CHN2: variants seen among roughly 807,000 people sequenced by gnomAD.
CHN2 encodes the protein chimerin 2.
A neutral mutation model predicts 56.3 loss-of-function variants in CHN2; 35 were observed. That is an observed-to-expected ratio of 0.62 (90% CI 0.47 to 0.82). The LOEUF (loss-of-function observed/expected upper bound fraction) is 0.82. CHN2 is among the 40% of genes least tolerant of loss of function. The pLI is 0.00. For synonymous variants in CHN2, 210 were observed against 212.8 expected, an observed-to-expected ratio of 0.99 and a Z score of 0.12; for missense variants, 491 against 580.5, an observed-to-expected ratio of 0.85 and a Z score of 1.58.
intron 1 of CHN2, among the ~76,000 whole-genome samples, chr7:29,274,776 A>C (rs1791045427): frequency 6.6e-6 from 1 of 152,350 alleles, no homozygotes; most frequent in East Asian, 1.9e-4. Flanking sequence ...GTGGCTAGAA[A>C]AATATTCAGC....
intron 1 of CHN2, among the ~76,000 whole-genome samples, chr7:29,252,574 C>CTTTGTTTTTTTTTTT (rs1305571299): frequency 1.0e-4 from 2 of 19,284 alleles, no homozygotes; most frequent in Non-Finnish European, 1.9e-4. Context: ...AAATTGCATT[C>CTTTGTTTTTTTTTTT]TTTGTTTTTT....
At chr7:29,180,894 A>G (rs1797988742) in intron 2 of CHN2, among the ~76,000 whole-genome samples, 3 of 152,202 alleles carry the variant, frequency 2.0e-5, no homozygotes, top group African/African-American at 4.8e-5. Flanking sequence ...CTTGCAGTGT[A>G]ATTGAAAAGA....
chr7:29,417,423 C>T (rs1019262910), intron 6 of CHN2, among the ~76,000 whole-genome samples: 1 of 151,548 alleles, frequency 6.6e-6, no homozygotes, highest in African/African-American at 2.4e-5. Flanking sequence ...GCAAGCTCCG[C>T]CTCCTGGGTT....
At chr7:29,385,573 G>T (rs6462135) in intron 3 of CHN2, among the ~76,000 whole-genome samples, 132,659 of 152,096 alleles carry the variant, frequency 0.87, 58,241 homozygotes, top group Non-Finnish European at 0.93. Flanking sequence ...TTAAGTAGGG[G>T]GATCTGGGAA....
At chr7:29,348,196 T>C (rs1328968090) in intron 1 of CHN2, among the ~76,000 whole-genome samples, 1 of 152,190 alleles carries the variant, frequency 6.6e-6, no homozygotes, top group African/African-American at 2.4e-5. Context: ...TGTTCCCTAG[T>C]CTTTCTCAGA....
At chr7:29,375,035 G>A (rs1178958910) in intron 3 of CHN2, among the ~76,000 whole-genome samples, 2 of 147,486 alleles carry the variant, frequency 1.4e-5, no homozygotes, top group African/African-American at 5.0e-5. Context: ...TTACAGGCAT[G>A]TGCCACCACA....
intron 3 of CHN2, among the ~76,000 whole-genome samples, chr7:29,375,791 G>T (rs764608112): frequency 4.6e-5 from 7 of 152,114 alleles, no homozygotes; most frequent in Non-Finnish European, 8.8e-5. Flanking sequence ...CAGAGCAAAT[G>T]TCACACCTCC....
In CHN2 at chr7:29,218,817, A is replaced by T. The variant is rs6967640; in HGVS notation, c.49+23827A>T. Among the ~76,000 whole-genome samples, 36 of 124,970 alleles carry T rather than the reference A, an allele frequency of 2.9e-4. 1 individual carries two copies. The East Asian group carries it at 0.01, about 35-fold the overall frequency. 82.0% of individuals were successfully genotyped at this position (124,970 alleles called of 152,430 possible). A position where few individuals can be genotyped will look rare whatever the true frequency, so the allele number is the denominator to read the frequency against. ...AGGGACTGTTGTGGGGTGGGGGGAGAGGAGAGGGATAGCATTAGGAGATAT... is the reference window on the plus strand; with the variant it reads ...AGGGACTGTTGTGGGGTGGGGGGAGTGGAGAGGGATAGCATTAGGAGATAT... On this transcript the variant is annotated intron_variant, in intron 1 of 12. Coordinates refer to ENST00000222792, the MANE Select transcript of CHN2 (RefSeq NM_004067.4).
At chr7:29,150,372 G>A (rs1037713118) in intron 2 of CHN2, among the ~76,000 whole-genome samples, 5 of 152,200 alleles carry the variant, frequency 3.3e-5, no homozygotes, top group Admixed American at 6.5e-5. Context: ...AATGGCAGCT[G>A]TAACAATAAT....
chr7:29,174,337 A>G (rs1796987341), intron 2 of CHN2, among the ~76,000 whole-genome samples: 1 of 152,194 alleles, frequency 6.6e-6, no homozygotes. Flanking sequence ...TTCTGGGGAA[A>G]GGACAGAAGC....
chr7:29,303,617 A>G (rs1356211013), intron 1 of CHN2, among the ~76,000 whole-genome samples: 1 of 152,102 alleles, frequency 6.6e-6, no homozygotes, highest in African/African-American at 2.4e-5. Context: ...CCATCCATTC[A>G]CTAGCTTCCC....
intron 6 of CHN2, among the ~76,000 whole-genome samples, chr7:29,450,641 C>G (rs1261753367): frequency 6.6e-6 from 1 of 152,222 alleles, no homozygotes; most frequent in Admixed American, 6.5e-5. Context: ...TTTCACACCT[C>G]TGGCCTCCAG....
intron 1 of CHN2, among the ~76,000 whole-genome samples, chr7:29,234,475 C>G (rs188321419): frequency 6.6e-6 from 1 of 152,160 alleles, no homozygotes; most frequent in East Asian, 1.9e-4. Context: ...TCCATTGGCC[C>G]CAGGTTATAA....
intron 3 of CHN2, among the ~76,000 whole-genome samples, chr7:29,381,018 AG>A (rs1409008100): frequency 6.6e-6 from 1 of 152,240 alleles, no homozygotes; most frequent in African/African-American, 2.4e-5. Context: ...GAAGACCAAA[AG>A]AAAGGAAGAT....
chr7:29,398,274 T>C (rs2128082001), intron 4 of CHN2, 99 bp from the exon 5 acceptor site: 2 of 870,120 alleles, frequency 2.3e-6, no homozygotes, highest in Non-Finnish European at 3.8e-6. Flanking sequence ...TGTGGGGCTG[T>C]CGATTCTGGG....
intron 1 of CHN2, among the ~76,000 whole-genome samples, chr7:29,222,574 C>T (rs1042103691): frequency 6.6e-6 from 1 of 151,970 alleles, no homozygotes; most frequent in African/African-American, 2.4e-5. Flanking sequence ...AAAACCTTCA[C>T]CGTGAAAACT....
intron 1 of CHN2, among the ~76,000 whole-genome samples, chr7:29,265,312 T>C (rs1453803548): frequency 6.6e-6 from 1 of 152,208 alleles, no homozygotes; most frequent in African/African-American, 2.4e-5. Flanking sequence ...ACTCTCTGAT[T>C]ACTCATTGGA....
In CHN2 at chr7:29,212,674, G is replaced by A. The variant is rs11983691; in HGVS notation, c.49+17684G>A. Reference sequence around the variant, plus strand: ...AGAAATACCTTAGCCTCCAGCAGATGCAAGAACTCTCCAATATCTGGAACC... The same window carrying A: ...AGAAATACCTTAGCCTCCAGCAGATACAAGAACTCTCCAATATCTGGAACC... On this transcript the variant is annotated intron_variant, in intron 1 of 12. Transcript: ENST00000222792. 1.6e-3 allele frequency: 2,452 copies of A among 1,492,740 alleles called. 24 individuals are homozygous for A. In the African/African-American group the frequency reaches 0.028, roughly 17 times the overall value. The allele number at this position is 1,492,740 out of a possible 1,614,324, so 92.5% of individuals were successfully genotyped here. A position where few individuals can be genotyped will look rare whatever the true frequency, so the allele number is the denominator to read the frequency against.
chr7:29,433,020 G>A (rs1585375452), intron 6 of CHN2, among the ~76,000 whole-genome samples: 1 of 152,162 alleles, frequency 6.6e-6, no homozygotes, highest in Admixed American at 6.5e-5. Context: ...ATTCTTGCAC[G>A]GATATAGTTT....
Sources: allele counts gnomAD v4.1 joint callset (sites outside exome capture counted in the v4.1 genomes callset), GRCh38; gene constraint gnomAD v4.1.1; transcripts MANE v1.5; gene names NCBI Gene and HGNC (gene_info 2026-07-23, HGNC 2026-07-21).